RPH3A: variants seen among roughly 807,000 people sequenced by gnomAD.
RPH3A encodes the protein rabphilin-3A.
In RPH3A, 48 loss-of-function variants were observed where a neutral mutation model predicts 102.2. The ratio of observed to expected loss-of-function variants is 0.47; its 90% CI spans 0.37 to 0.60. RPH3A has a LOEUF of 0.60. Ranked by LOEUF, RPH3A falls within the 20% of genes least tolerant of loss-of-function variation. The pLI is 0.00. For synonymous variants in RPH3A, 310 were observed against 324.3 expected (o/e 0.96, Z 0.47); for missense variants, 781 against 910.1 (o/e 0.86, Z 1.83).
chr12:112,686,160 A>C (rs1787806729), intron 1 of RPH3A, among the ~76,000 whole-genome samples: 1 of 152,018 alleles, frequency 6.6e-6, no homozygotes. Context: ...TTCCTAATTC[A>C]TTCCCTCTGT....
chr12:112,689,255 T>C (rs1350324774), intron 1 of RPH3A, among the ~76,000 whole-genome samples: 1 of 152,142 alleles, frequency 6.6e-6, no homozygotes, highest in Non-Finnish European at 1.5e-5. Flanking sequence ...GTGGGGACTG[T>C]GGTGAACAGG....
chr12:112,777,322 A>G (rs2040975282), intron 1 of RPH3A, among the ~76,000 whole-genome samples: 1 of 152,218 alleles, frequency 6.6e-6, no homozygotes, highest in South Asian at 2.1e-4. Context: ...ATCCCTGTGC[A>G]TCTGCTCAAT....
intron 1 of RPH3A, among the ~76,000 whole-genome samples, chr12:112,690,870 C>T (rs2040301153): frequency 6.7e-6 from 1 of 150,304 alleles, no homozygotes; most frequent in African/African-American, 2.4e-5. Context: ...TCATGACTCT[C>T]TTCATTCCAA....
At chr12:112,768,105 A>G (rs1245360721) in intron 1 of RPH3A, among the ~76,000 whole-genome samples, 1 of 152,220 alleles carries the variant, frequency 6.6e-6, no homozygotes, top group African/African-American at 2.4e-5. Flanking sequence ...GATGAATGTT[A>G]TGGTTTGTGA....
intron 6 of RPH3A, 56 bp from the exon 7 acceptor site, chr12:112,866,701 C>G (rs1392583448): frequency 6.9e-7 from 1 of 1,458,762 alleles, no homozygotes; most frequent in African/African-American, 1.4e-5. Flanking sequence ...GGCTACGTTG[C>G]CATGCCTCCC....
At chr12:112,820,322 A>G (rs1161269006) in intron 2 of RPH3A, among the ~76,000 whole-genome samples, 1 of 152,224 alleles carries the variant, frequency 6.6e-6, no homozygotes, top group African/African-American at 2.4e-5. Flanking sequence ...AGCACATACT[A>G]TGTTCCAAGT....
intron 1 of RPH3A, among the ~76,000 whole-genome samples, chr12:112,655,711 C>T (rs1017819286): frequency 2.0e-5 from 3 of 151,714 alleles, no homozygotes; most frequent in Non-Finnish European, 4.4e-5. Context: ...GCTGGGATTA[C>T]AGGTGCATAC....
At chr12:112,675,621 C>T (rs866867390) in intron 1 of RPH3A, among the ~76,000 whole-genome samples, 1 of 152,102 alleles carries the variant, frequency 6.6e-6, no homozygotes, top group South Asian at 2.1e-4. Context: ...CTTTATTACT[C>T]CAAAGAGGGC....
intron 1 of RPH3A, among the ~76,000 whole-genome samples, chr12:112,722,271 C>A (rs2040556765): frequency 1.3e-5 from 2 of 152,184 alleles, no homozygotes; most frequent in African/African-American, 4.8e-5. Context: ...ATGCATAGCT[C>A]TTCAGAGATG....
At chr12:112,778,821 C>T (rs2040987087) in intron 1 of RPH3A, among the ~76,000 whole-genome samples, 2 of 152,224 alleles carry the variant, frequency 1.3e-5, no homozygotes, top group Non-Finnish European at 1.5e-5. Flanking sequence ...ATAGGAATCT[C>T]ATTGGCTTGC....
chr12:112,687,736 G>C (rs934228335), intron 1 of RPH3A, among the ~76,000 whole-genome samples: 1 of 152,178 alleles, frequency 6.6e-6, no homozygotes, highest in Non-Finnish European at 1.5e-5. Context: ...TTCTTTGCTT[G>C]AAGCCAACCT....
chr12:112,578,557 C>G (rs2039374898), intron 1 of RPH3A, among the ~76,000 whole-genome samples: 1 of 152,170 alleles, frequency 6.6e-6, no homozygotes, highest in African/African-American at 2.4e-5. Flanking sequence ...AGATTTCTGT[C>G]ATTTTGGTTC....
intron 2 of RPH3A, among the ~76,000 whole-genome samples, chr12:112,821,838 G>C (rs1348163795): frequency 2.0e-5 from 3 of 152,070 alleles, no homozygotes; most frequent in South Asian, 2.1e-4. Context: ...CCTGTGCCTA[G>C]AACAGTGTCT....
At chr12:112,647,671 C>A (rs2039941622) in intron 1 of RPH3A, among the ~76,000 whole-genome samples, 1 of 151,694 alleles carries the variant, frequency 6.6e-6, no homozygotes, top group African/African-American at 2.4e-5. Context: ...AGGGTGGTTA[C>A]CTTTGAGCAA....
At chr12:112,702,082 T>C (rs1003548173) in intron 1 of RPH3A, among the ~76,000 whole-genome samples, 1 of 152,230 alleles carries the variant, frequency 6.6e-6, no homozygotes, top group African/African-American at 2.4e-5. Flanking sequence ...GCTGCCTGTA[T>C]GTCTGGAAAA....
intron 2 of RPH3A, among the ~76,000 whole-genome samples, chr12:112,807,459 G>C (rs988922784): frequency 6.6e-6 from 1 of 152,140 alleles, no homozygotes; most frequent in Non-Finnish European, 1.5e-5. Flanking sequence ...GTAGAGGAAG[G>C]GGGTAGAAAT....
intron 1 of RPH3A, among the ~76,000 whole-genome samples, chr12:112,578,777 G>C (rs2039376379): frequency 6.6e-6 from 1 of 152,192 alleles, no homozygotes; most frequent in Non-Finnish European, 1.5e-5. Context: ...AACTGAAGCA[G>C]GCAGAGCCAG....
At chr12:112,620,450 T>C (rs1261680881) in intron 1 of RPH3A, among the ~76,000 whole-genome samples, 1 of 152,176 alleles carries the variant, frequency 6.6e-6, no homozygotes, top group African/African-American at 2.4e-5. Flanking sequence ...TTTCCTTCCA[T>C]CTCTAAACAG....
At chr12:112,770,298 A>G (rs2040918915) in intron 1 of RPH3A, among the ~76,000 whole-genome samples, 1 of 151,212 alleles carries the variant, frequency 6.6e-6, no homozygotes, top group African/African-American at 2.4e-5. Context: ...TTATTTATTT[A>G]TTTATTTATT....
Sources: allele counts gnomAD v4.1 joint callset (sites outside exome capture counted in the v4.1 genomes callset), GRCh38; gene constraint gnomAD v4.1.1; transcripts MANE v1.5; gene names NCBI Gene and HGNC (gene_info 2026-07-23, HGNC 2026-07-21).